SIK2: variants seen among roughly 807,000 people sequenced by gnomAD.
SIK2 encodes the protein serine/threonine-protein kinase SIK2.
A neutral mutation model predicts 103.2 loss-of-function variants in SIK2; 29 were observed. That is an observed-to-expected ratio of 0.28 (90% CI 0.21 to 0.38). The LOEUF is 0.38. Ranked by LOEUF, SIK2 falls within the 10% of genes least tolerant of loss-of-function variation. SIK2 has a pLI of 1.00. For synonymous variants in SIK2, 412 were observed against 446.1 expected (o/e 0.92, Z 0.96); for missense variants, 879 against 1,171.0 (o/e 0.75, Z 3.64).
intron 3 of SIK2, among the ~76,000 whole-genome samples, chr11:111,673,211 A>G (rs1942652862): frequency 2.0e-5 from 3 of 152,256 alleles, no homozygotes; most frequent in African/African-American, 7.2e-5. Context: ...AGTCAGAGTC[A>G]TTATCACTAA....
intron 1 of SIK2, among the ~76,000 whole-genome samples, chr11:111,612,946 ATT>A (rs1024360959): frequency 2.7e-5 from 4 of 148,358 alleles, no homozygotes; most frequent in African/African-American, 1.0e-4. Flanking sequence ...ATATATATAT[ATT>A]TATGATCATA....
At chr11:111,704,371 G>C (rs573530381) in intron 7 of SIK2, among the ~76,000 whole-genome samples, 26 of 152,338 alleles carry the variant, frequency 1.7e-4, no homozygotes, top group African/African-American at 6.3e-4. Context: ...ATCTGGGAAA[G>C]CTGGCAGGCT....
At position 111,705,150 on chromosome 11, in the gene SIK2, C is replaced by A; in HGVS notation, c.1101+11C>A. 2 of 1,550,642 alleles carry A rather than the reference C, an allele frequency of 1.3e-6. No homozygotes were observed. Among genetic ancestry groups the A allele is most frequent in the South Asian group, 2.6e-5 (2 of 77,734 alleles). On this transcript the variant is annotated intron_variant, in intron 8 of 14. Transcript: ENST00000304987. This position sits in a 1 kb window ranked among gnomAD's most constrained non-coding sequence, Gnocchi z 4.3. ...CAAACAGTTGCCAAGGTAATGCCCC[C>A]TTAGCTGAGAGTCTTATCTGTGCAT...
intron 8 of SIK2, among the ~76,000 whole-genome samples, chr11:111,708,088 A>C (rs995462271): frequency 1.3e-5 from 2 of 152,170 alleles, no homozygotes; most frequent in African/African-American, 4.8e-5. Context: ...CTAGTTACAA[A>C]ATACCCATTA....
intron 3 of SIK2, among the ~76,000 whole-genome samples, chr11:111,641,100 T>C (rs905165215): frequency 1.1e-4 from 16 of 152,210 alleles, no homozygotes; most frequent in Non-Finnish European, 1.3e-4. Flanking sequence ...ACTCTTAGCA[T>C]GCATTCTCTT....
In SIK2 at chr11:111,703,321, C is replaced by G; in HGVS notation, c.846C>G (p.Leu282=). The G allele has an allele frequency of 1.2e-6, 2 of 1,614,196 alleles. No homozygotes were observed. The highest frequency in any genetic ancestry group is 1.7e-6 in the Non-Finnish European group (2 of 1,180,028). Residue 282 remains leucine, a synonymous_variant, in exon 7 of 15, where the codon CTC becomes CTG. Coordinates refer to ENST00000304987, the MANE Select transcript of SIK2 (RefSeq NM_015191.3). ...AAGTTCCTGTCCAGAGACCTGTTCTCTATCCACAAGAGCAAGAAAATGAGC... is the reference window on the plus strand; with the variant it reads ...AAGTTCCTGTCCAGAGACCTGTTCTGTATCCACAAGAGCAAGAAAATGAGC... The part of the protein sequence containing the change: ...LIEVPVQRPV[L]YPQEQENEPS...
At chr11:111,645,494 T>C (rs928668373) in intron 3 of SIK2, among the ~76,000 whole-genome samples, 1 of 152,174 alleles carries the variant, frequency 6.6e-6, no homozygotes, top group African/African-American at 2.4e-5. Context: ...GTATGTAGTT[T>C]AGGACTATGT....
intron 3 of SIK2, among the ~76,000 whole-genome samples, chr11:111,655,970 C>T (rs951333339): frequency 1.3e-5 from 2 of 149,366 alleles, no homozygotes; most frequent in African/African-American, 5.0e-5. Context: ...ATTGCTTAAG[C>T]TTAGGAGTTC....
rs1445449352 is a variant in SIK2, at chr11:111,728,810, G to A, written c.*4681G>A. ...GTGGTGGTGGGCGCCTGTAGTTCCA[G>A]CTACTCGGGAGGCTGAGGCAGGAGA... On this transcript the variant is annotated 3_prime_UTR_variant, in exon 15 of 15. Coordinates refer to ENST00000304987, the MANE Select transcript of SIK2 (RefSeq NM_015191.3). 6.6e-6 allele frequency: 1 copy of A among 151,958 alleles called. No individual in the cohort carries two copies. Among genetic ancestry groups the A allele is most frequent in the Non-Finnish European group, 1.5e-5 (1 of 68,026 alleles). The allele number at this position is 151,958 out of a possible 1,614,324, so 9.4% of individuals were successfully genotyped here.
chr11:111,621,914 A>G (rs1254023542), intron 3 of SIK2, among the ~76,000 whole-genome samples: 1 of 151,948 alleles, frequency 6.6e-6, no homozygotes, highest in African/African-American at 2.4e-5. Context: ...TTTCATCTCA[A>G]TTAAAAAAAA....
chr11:111,712,106 C>A, intron 8 of SIK2, 105 bp from the exon 9 acceptor site: 2 of 1,166,290 alleles, frequency 1.7e-6, no homozygotes, highest in Non-Finnish European at 2.4e-6. Flanking sequence ...AATAAATATT[C>A]ATTCTTTAAT....
chr11:111,634,942 T>G (rs1170092168), intron 3 of SIK2, among the ~76,000 whole-genome samples: 1 of 152,248 alleles, frequency 6.6e-6, no homozygotes, highest in Non-Finnish European at 1.5e-5. Context: ...AAATGTTGAA[T>G]GCATGCAGAT....
At chr11:111,721,151 C>T (rs1331867559) in intron 12 of SIK2, 89 bp downstream of exon 12, 2 of 1,448,228 alleles carry the variant, frequency 1.4e-6, no homozygotes, top group Non-Finnish European at 1.8e-6. Flanking sequence ...TAGAGGATTT[C>T]CTCCAGTCCT....
rs1410087411 is a variant in SIK2, at chr11:111,602,964, G to A, written c.135+266G>A. Among the ~76,000 whole-genome samples, 1 of 152,060 alleles carries A rather than the reference G, an allele frequency of 6.6e-6. No individual in the cohort carries two copies. Among genetic ancestry groups the A allele is most frequent in the African/African-American group, 2.4e-5 (1 of 41,426 alleles). On this transcript the variant is annotated intron_variant, in intron 1 of 14. Coordinates refer to ENST00000304987, the MANE Select transcript of SIK2 (RefSeq NM_015191.3). This position sits in a 1 kb window ranked among gnomAD's most constrained non-coding sequence, Gnocchi z 4.5. The stretch of plus-strand genomic sequence containing the variant: ...CTTTGCTTTCCCCTACGCCACCCCC[G>A]GTGGCCACCCGGAATTTCGCCCAGA...
Position 111,719,930 on chromosome 11 carries a change from G to A in SIK2, c.1422G>A (p.Gln474=), listed in dbSNP as rs147125592. ...EDPAHAFEAF[Q]STRSGQRRHT... is the part of the protein sequence containing the mutation. ...CCGCTCATGCCTTTGAGGCATTTCA[G>A]TCCACACGCAGCGGGCAGAGACGGC... The change falls in exon 10 of 15, where the codon CAG becomes CAA. Residue 474 remains glutamine (Q), a synonymous_variant. Coordinates refer to ENST00000304987, the MANE Select transcript of SIK2 (RefSeq NM_015191.3). 4.8e-5 allele frequency: 77 copies of A among 1,614,196 alleles called. No homozygotes were observed. In the African/African-American group the frequency reaches 9.3e-4, roughly 20 times the overall value.
At chr11:111,716,701 G>A (rs747061685) in intron 9 of SIK2, among the ~76,000 whole-genome samples, 1 of 152,158 alleles carries the variant, frequency 6.6e-6, no homozygotes, top group African/African-American at 2.4e-5. Flanking sequence ...AATTCCTCTT[G>A]TAGTCTAGAT....
At chr11:111,640,994 T>C (rs1345986280) in intron 3 of SIK2, among the ~76,000 whole-genome samples, 1 of 152,082 alleles carries the variant, frequency 6.6e-6, no homozygotes, top group African/African-American at 2.4e-5. Context: ...ACAAACTCGG[T>C]GCCAGTATAG....
intron 3 of SIK2, among the ~76,000 whole-genome samples, chr11:111,673,941 G>A (rs574888623): frequency 2.6e-5 from 4 of 152,096 alleles, no homozygotes; most frequent in South Asian, 2.1e-4. Context: ...AGGCGTGGTG[G>A]CACGCACCTG....
intron 3 of SIK2, among the ~76,000 whole-genome samples, chr11:111,687,209 G>A (rs1942857552): frequency 6.6e-6 from 1 of 152,042 alleles, no homozygotes; most frequent in Non-Finnish European, 1.5e-5. Context: ...GGACTCCAGT[G>A]AAATATGATT....
Sources: gnomAD v4.1 joint callset for allele counts (sites outside exome capture counted in the v4.1 genomes callset) on GRCh38, gnomAD v4.1.1 for gene constraint, Gnocchi (gnomAD v3.1) non-coding constraint, MANE v1.5 for transcripts, NCBI Gene and HGNC (gene_info 2026-07-23, HGNC 2026-07-21) for gene names.